Variants in CDC42BPA observed in about 807,000 individuals in gnomAD.
The protein encoded by CDC42BPA is CDC42 binding protein kinase alpha.
Under a neutral mutation model 223.5 loss-of-function variants are expected in CDC42BPA, and 80 were observed. The ratio of observed to expected loss-of-function variants is 0.36; its 90% confidence interval spans 0.30 to 0.43. The LOEUF is 0.43. Ranked by LOEUF, CDC42BPA falls within the 20% of genes least tolerant of loss-of-function variation. The pLI, the probability that CDC42BPA is intolerant of heterozygous loss-of-function variation, is 1.00. For missense variants in CDC42BPA, 1,743 were observed against 2,099.9 expected, an observed-to-expected ratio of 0.83 and a Z score of 3.32; for synonymous variants, 694 against 718.6, an observed-to-expected ratio of 0.97 and a Z score of 0.55.
At chr1:227,261,707 C>A (rs1684112068) in intron 1 of CDC42BPA, among the ~76,000 whole-genome samples, 1 of 152,070 alleles carries the variant, frequency 6.6e-6, no homozygotes, top group Admixed American at 6.6e-5. Flanking sequence ...TGTTAGGGAT[C>A]ATTCGATCCA....
At chr1:227,214,293 T>C (rs1353122480) in intron 2 of CDC42BPA, among the ~76,000 whole-genome samples, 1 of 152,162 alleles carries the variant, frequency 6.6e-6, no homozygotes, top group Non-Finnish European at 1.5e-5. Flanking sequence ...GCAATAAAAG[T>C]AACATGACCA....
intron 1 of CDC42BPA, among the ~76,000 whole-genome samples, chr1:227,297,103 GTCTA>G (rs1558982783): frequency 6.6e-6 from 1 of 152,118 alleles, no homozygotes; most frequent in Non-Finnish European, 1.5e-5. Flanking sequence ...TCTAAAAATA[GTCTA>G]TCTTTTAAAG....
chr1:227,187,193 T>C (rs907735069), intron 5 of CDC42BPA, among the ~76,000 whole-genome samples: 1 of 152,074 alleles, frequency 6.6e-6, no homozygotes, highest in Non-Finnish European at 1.5e-5. Context: ...TGGACAGACA[T>C]CAGAATGAGA....
Position 227,112,815 on chromosome 1 carries a change from G to C in CDC42BPA, c.1746C>G (p.Ile582Met), listed in dbSNP as rs762275055. The C allele has an allele frequency of 6.2e-7, 1 of 1,614,056 alleles. No individual in the cohort carries two copies. The highest frequency in any genetic ancestry group is 8.5e-7 in the Non-Finnish European group (1 of 1,179,990). The change falls in exon 13 of 37, where the codon ATC (isoleucine) becomes ATG (methionine). Residue 582 changes from isoleucine (I) to methionine (M), a missense_variant. By Grantham distance (10) the Ile-to-Met change is conservative. This residue lies in a region of CDC42BPA where 464 missense variants were observed against 488.0 expected (regional missense o/e 0.95). Coordinates refer to ENST00000366766, the MANE Select transcript of CDC42BPA (RefSeq NM_001394014.1). ...RKLAMQEFME[I>M]NERLTELHTQ... is the part of the protein sequence containing the mutation. ...TGTGCAATTCTGTTAGCCGCTCATT[G>C]ATCTCCATGAATTCCTGCATGGCCA...
chr1:227,129,688 A>AAAAAAAAAAAAAAAAAAAC (rs1656615420), intron 10 of CDC42BPA, among the ~76,000 whole-genome samples: 1 of 103,306 alleles, frequency 9.7e-6, no homozygotes, highest in Non-Finnish European at 2.1e-5. Context: ...AAAAAAAAAA[A>AAAAAAAAAAAAAAAAAAAC]AAAAAATCCA....
intron 2 of CDC42BPA, among the ~76,000 whole-genome samples, chr1:227,220,317 C>T (rs200831484): frequency 1.0e-3 from 59 of 57,608 alleles, no homozygotes; most frequent in East Asian, 3.8e-3. Flanking sequence ...TATATACACA[C>T]ACACACACAC....
At chr1:227,124,894 T>C (rs1689273002) in intron 11 of CDC42BPA, among the ~76,000 whole-genome samples, 1 of 152,072 alleles carries the variant, frequency 6.6e-6, no homozygotes, top group Non-Finnish European at 1.5e-5. Flanking sequence ...ATTTTAAGTA[T>C]AACTTAAAAC....
intron 2 of CDC42BPA, among the ~76,000 whole-genome samples, chr1:227,226,526 C>G (rs1413262486): frequency 6.6e-6 from 1 of 152,094 alleles, no homozygotes; most frequent in African/African-American, 2.4e-5. Context: ...AGACTTTCAT[C>G]AATGACATGT....
At chr1:227,189,733 G>A (rs917625300) in intron 5 of CDC42BPA, among the ~76,000 whole-genome samples, 7 of 152,040 alleles carry the variant, frequency 4.6e-5, no homozygotes, top group African/African-American at 1.7e-4. Flanking sequence ...GCGAGTTTTT[G>A]TGCTGATAGA....
intron 34 of CDC42BPA, among the ~76,000 whole-genome samples, chr1:227,008,818 C>T (rs1217018115): frequency 1.3e-5 from 2 of 151,868 alleles, no homozygotes; most frequent in Admixed American, 1.3e-4. Flanking sequence ...GTTCATCTAC[C>T]AAATTTGCAA....
rs1559031042 is a variant in CDC42BPA at position 227,317,212 on chromosome 1, TAA to T, written c.-32_-31del. 6.3e-7 allele frequency: 1 copy of T among 1,585,476 alleles called. No individual in the cohort carries two copies. Among genetic ancestry groups the T allele is most frequent in the Non-Finnish European group, 8.6e-7 (1 of 1,167,342 alleles). On this transcript the variant is annotated 5_prime_UTR_variant, in exon 1 of 37. Transcript: ENST00000366766. ...GCTTCGATTTCTGCTGGTTTTCCTT[TAA>T]ATTATTATGATGACTTTTACTATTA...
intron 5 of CDC42BPA, among the ~76,000 whole-genome samples, chr1:227,177,493 T>C (rs529449813): frequency 6.6e-6 from 1 of 152,290 alleles, no homozygotes; most frequent in South Asian, 2.1e-4. Context: ...GTATGTGATA[T>C]ACTGTTTTCC....
intron 21 of CDC42BPA, among the ~76,000 whole-genome samples, chr1:227,055,576 T>A (rs566196470): frequency 6.6e-6 from 1 of 152,276 alleles, no homozygotes; most frequent in African/African-American, 2.4e-5. Context: ...GTTATTTTAT[T>A]ACAAAGTATT....
chr1:227,010,147 C>A (rs892858365), intron 34 of CDC42BPA, among the ~76,000 whole-genome samples: 1 of 152,166 alleles, frequency 6.6e-6, no homozygotes, highest in Non-Finnish European at 1.5e-5. Context: ...CAGCTCTCCA[C>A]CCTACTGCAA....
rs746535354 is a variant in CDC42BPA at position 227,033,326 on chromosome 1, A to G, written c.3558+8T>C. ...ATTCAGTGATCAAATTACAGCATAC[A>G]CACTTACCCTAAATATACAGGGTAT... On this transcript the variant is annotated splice_region_variant and intron_variant, in intron 27 of 36. Transcript: ENST00000366766. 1.3e-6 allele frequency: 2 copies of G among 1,577,758 alleles called. No homozygotes were observed. The highest frequency in any genetic ancestry group is 8.7e-7 in the Non-Finnish European group (1 of 1,146,928).
chr1:227,087,735 G>A (rs1682270648), intron 16 of CDC42BPA, among the ~76,000 whole-genome samples: 1 of 152,088 alleles, frequency 6.6e-6, no homozygotes, highest in African/African-American at 2.4e-5. Context: ...ATCTTCCTCT[G>A]GTTAACTCCA....
At position 227,201,765 on chromosome 1, in the gene CDC42BPA, CTCTG is replaced by C. The variant is rs1449837030; in HGVS notation, c.355-2117_355-2114del. 1.2e-4 allele frequency among the ~76,000 whole-genome samples: 12 copies of C among 101,416 alleles called. 1 individual carries two copies. In the South Asian group the frequency reaches 4.1e-3, roughly 35 times the overall value. 66.5% of individuals were successfully genotyped at this position (101,416 alleles called of 152,430 possible). A position where few individuals can be genotyped will look rare whatever the true frequency, so the allele number is the denominator to read the frequency against. ...TCTTTATACAAATGAGATTATAGTG[CTCTG>C]TAAGTTTTTTTTTTTTTTCAAGTAA... is the stretch of plus-strand genomic sequence containing the variant. On this transcript the variant is annotated intron_variant, in intron 3 of 36. Coordinates refer to ENST00000366766, the MANE Select transcript of CDC42BPA (RefSeq NM_001394014.1).
intron 29 of CDC42BPA, 95 bp downstream of exon 29, chr1:227,030,313 G>T: frequency 1.4e-6 from 1 of 733,698 alleles, no homozygotes; most frequent in South Asian, 1.7e-5. Context: ...GGATAAATAA[G>T]AGCAAATCCT....
At chr1:227,304,156 T>C (rs988275584) in intron 1 of CDC42BPA, among the ~76,000 whole-genome samples, 4 of 152,188 alleles carry the variant, frequency 2.6e-5, no homozygotes, top group African/African-American at 9.7e-5. Context: ...CCGGTAATCC[T>C]GGCACTTTGG....
Sources: allele counts gnomAD v4.1 joint callset (sites outside exome capture counted in the v4.1 genomes callset), GRCh38; gene constraint gnomAD v4.1.1; regional missense constraint gnomAD v4.1.1; transcripts MANE v1.5; gene names NCBI Gene and HGNC (gene_info 2026-07-23, HGNC 2026-07-21).